ANKRD11: variants seen among roughly 807,000 people sequenced by gnomAD.
ANKRD11 encodes ankyrin repeat domain-containing protein 11.
A neutral mutation model predicts 195.7 loss-of-function variants in ANKRD11; 17 were observed. The ratio of observed to expected loss-of-function variants is 0.09; its 90% CI spans 0.06 to 0.13. ANKRD11 has a LOEUF of 0.13. Ranked by LOEUF, ANKRD11 falls within the 10% of genes least tolerant of loss-of-function variation. The pLI is 1.00. For synonymous variants in ANKRD11, 1,953 were observed against 1,528.1 expected (o/e 1.28, Z -6.49); for missense variants, 3,735 against 3,566.1 (o/e 1.05, Z -1.21).
At chr16:89,381,191 G>A (rs1011844077) in intron 2 of ANKRD11, among the ~76,000 whole-genome samples, 1 of 152,112 alleles carries the variant, frequency 6.6e-6, no homozygotes, top group Non-Finnish European at 1.5e-5. Flanking sequence ...AATAAGCTGG[G>A]CATGGTGGTG....
intron 1 of ANKRD11, among the ~76,000 whole-genome samples, chr16:89,484,067 G>C (rs145110541): frequency 6.6e-6 from 1 of 152,208 alleles, no homozygotes; most frequent in African/African-American, 2.4e-5. Flanking sequence ...GACGCTCTTC[G>C]GCTGCCTGAA....
chr16:89,347,096 C>A (rs1001301365), intron 2 of ANKRD11, among the ~76,000 whole-genome samples: 1 of 151,980 alleles, frequency 6.6e-6, no homozygotes, highest in African/African-American at 2.4e-5. Flanking sequence ...ATGGGCTGGG[C>A]TCCTAGGCCC....
chr16:89,317,284 G>A (rs1044653234), intron 2 of ANKRD11, among the ~76,000 whole-genome samples: 2 of 152,236 alleles, frequency 1.3e-5, no homozygotes, highest in Non-Finnish European at 1.5e-5. Flanking sequence ...GCAGCTTTGA[G>A]CAGGAAGGAG....
intron 7 of ANKRD11, chr16:89,286,738 A>AG: frequency 7.8e-7 from 1 of 1,286,220 alleles, no homozygotes; most frequent in Non-Finnish European, 1.0e-6. Flanking sequence ...TACAAGGGTA[A>AG]GGGTGGTCAC....
chr16:89,363,507 A>G (rs2039820594), intron 2 of ANKRD11, among the ~76,000 whole-genome samples: 1 of 151,860 alleles, frequency 6.6e-6, no homozygotes, highest in East Asian at 1.9e-4. Context: ...TCAGTCTTGC[A>G]AAGTTTTGAA....
intron 3 of ANKRD11, among the ~76,000 whole-genome samples, chr16:89,315,518 C>T (rs547986221): frequency 1.3e-4 from 20 of 152,004 alleles, no homozygotes; most frequent in Non-Finnish European, 1.9e-4. Context: ...CCTGACTCTC[C>T]GTAGGCTTCA....
At chr16:89,437,063 T>A (rs1019786696) in intron 1 of ANKRD11, among the ~76,000 whole-genome samples, 2 of 152,206 alleles carry the variant, frequency 1.3e-5, no homozygotes, top group African/African-American at 4.8e-5. Flanking sequence ...GAAGGAGATG[T>A]CACAGAAGAA....
chr16:89,485,663 C>G (rs909350832), intron 1 of ANKRD11, among the ~76,000 whole-genome samples: 1 of 152,158 alleles, frequency 6.6e-6, no homozygotes, highest in Admixed American at 6.5e-5. Context: ...AAAAAGCAAA[C>G]TTTTGCCAAT....
chr16:89,271,015 CAG>C, intron 11 of ANKRD11, 106 bp from the exon 12 acceptor site: 1 of 1,010,764 alleles, frequency 9.9e-7, no homozygotes, highest in South Asian at 1.3e-5. Context: ...GGGACAACCA[CAG>C]GGGGAGCCTC....
chr16:89,488,988 C>G (rs187250235), intron 1 of ANKRD11: 9 of 152,286 alleles, frequency 5.9e-5, no homozygotes, highest in African/African-American at 2.2e-4. Context: ...CCAGCTTCAT[C>G]TTCCCAAGCC....
At chr16:89,287,262 C>G (rs1436055768) in intron 7 of ANKRD11, 2 of 402,458 alleles carry the variant, frequency 5.0e-6, no homozygotes, top group Non-Finnish European at 9.0e-6. Context: ...CTTCTGGCAT[C>G]TCTCAGACTC....
At position 89,280,330 on chromosome 16, in the gene ANKRD11, G is replaced by A. The variant is rs763407068; in HGVS notation, c.6212C>T (p.Ser2071Leu). 15 of 1,581,728 alleles carry A rather than the reference G, an allele frequency of 9.5e-6. No individual in the cohort carries two copies. The highest frequency in any genetic ancestry group is 6.8e-5 in the East Asian group (3 of 44,420). ...GLESFFSNCKSLPEAPLDVAP... is the reference protein window; with the variant it reads ...GLESFFSNCKLLPEAPLDVAP... The stretch of plus-strand genomic sequence containing the variant: ...CACGTCCAGCGGGGCTTCCGGAAGT[G>A]ACTTGCAGTTGCTGAAGAAGGACTC... The change falls in exon 9 of 13, where the codon TCA becomes TTA. Residue 2071 changes from serine to leucine, a missense_variant. Transcript: ENST00000301030.
At chr16:89,351,771 C>A (rs1024458015) in intron 2 of ANKRD11, among the ~76,000 whole-genome samples, 1 of 152,190 alleles carries the variant, frequency 6.6e-6, no homozygotes, top group Non-Finnish European at 1.5e-5. Context: ...GATTAAAGGT[C>A]CAAGTTTCTT....
chr16:89,432,733 C>T (rs913598798), intron 1 of ANKRD11, among the ~76,000 whole-genome samples: 1 of 151,990 alleles, frequency 6.6e-6, no homozygotes, highest in Non-Finnish European at 1.5e-5. Flanking sequence ...AATCTTGAGC[C>T]CAGGAGTTCA....
At chr16:89,416,597 C>G (rs2042320545) in intron 2 of ANKRD11, among the ~76,000 whole-genome samples, 1 of 151,952 alleles carries the variant, frequency 6.6e-6, no homozygotes, top group South Asian at 2.1e-4. Flanking sequence ...TGTGCCTGGC[C>G]ACTAATTGCT....
intron 2 of ANKRD11, among the ~76,000 whole-genome samples, chr16:89,368,703 C>T (rs1937877364): frequency 6.6e-6 from 1 of 151,036 alleles, no homozygotes; most frequent in Admixed American, 6.6e-5. Context: ...AGCCCAGGAG[C>T]TCAAGACCAG....
intron 4 of ANKRD11, chr16:89,299,294 G>T: frequency 4.6e-6 from 1 of 219,012 alleles, no homozygotes; most frequent in Non-Finnish European, 9.4e-6. Context: ...GGCTGGCCCT[G>T]CCCTGCGTGG....
At chr16:89,413,670 ACAAATC>A (rs929081534) in intron 2 of ANKRD11, among the ~76,000 whole-genome samples, 1 of 152,182 alleles carries the variant, frequency 6.6e-6, no homozygotes, top group African/African-American at 2.4e-5. Context: ...AGTGGCACCT[ACAAATC>A]CCTTACAGAC....
Position 89,279,215 on chromosome 16 carries a change from G to A in ANKRD11, c.7327C>T (p.Gln2443Ter), listed in dbSNP as rs1555524861. The stretch of plus-strand genomic sequence containing the variant: ...TTCTCCTCGATCTTCTTCCTGATCT[G>A]CAGGTATTCGAAGTAGGGGTTGGCC... ...DRANPYFEYL[Q>*]IRKKIEEKRK... The change falls in exon 9 of 13, where the codon CAG becomes TAG. Residue 2443 changes from glutamine to a stop codon, truncating the protein, a stop_gained. Coordinates refer to ENST00000301030, the MANE Select transcript of ANKRD11 (RefSeq NM_013275.6). LOFTEE classifies it high-confidence loss of function. This position sits in a 1 kb window ranked among gnomAD's most constrained non-coding sequence, Gnocchi z 5.6. The A allele has an allele frequency of 6.2e-7, 1 of 1,612,260 alleles. No individual in the cohort carries two copies.
Sources: gnomAD v4.1 joint callset for allele counts (sites outside exome capture counted in the v4.1 genomes callset) on GRCh38, gnomAD v4.1.1 for gene constraint, Gnocchi (gnomAD v3.1) non-coding constraint, MANE v1.5 for transcripts, NCBI Gene and HGNC (gene_info 2026-07-23, HGNC 2026-07-21) for gene names.